ACP6: variants seen among roughly 807,000 people sequenced by gnomAD.
ACP6 encodes acid phosphatase 6, lysophosphatidic.
In ACP6, 48 loss-of-function variants were observed where a neutral mutation model predicts 48.1. That is an observed-to-expected ratio of 1.00 (90% CI 0.79 to 1.27). The LOEUF is 1.27. Ranked by LOEUF, ACP6 falls within the 50% of genes most tolerant of loss-of-function variation. ACP6 has a pLI of 0.00. For synonymous variants in ACP6, 172 were observed against 204.2 expected (o/e 0.84, Z 1.34); for missense variants, 485 against 529.1 (o/e 0.92, Z 0.82).
At chr1:147,658,854 G>A in intron 4 of ACP6, 106 bp downstream of exon 4, 1 of 1,080,404 alleles carries the variant, frequency 9.3e-7, no homozygotes, top group Non-Finnish European at 1.3e-6. Context: ...ACACATGCAG[G>A]AGAAAAAAAG....
chr1:147,654,879 T>G (rs1261686425), intron 5 of ACP6, among the ~76,000 whole-genome samples: 1 of 152,190 alleles, frequency 6.6e-6, no homozygotes, highest in Non-Finnish European at 1.5e-5. Flanking sequence ...GATCATACTT[T>G]GTAAATGGCA....
At chr1:147,650,378 C>T (rs1186305185) in intron 7 of ACP6, 140 bp from the exon 8 acceptor site, 3 of 568,042 alleles carry the variant, frequency 5.3e-6, no homozygotes, top group Non-Finnish European at 8.9e-6. Context: ...AGCAACGGGC[C>T]AGAAGGAGAG....
chr1:147,635,323 C>T (rs10157759), intron 5 of ACP6, among the ~76,000 whole-genome samples: 17,138 of 152,226 alleles, frequency 0.11, 1,173 homozygotes, highest in East Asian at 0.34. Flanking sequence ...TCCCTCCCAG[C>T]AATCTTGGGC....
intron 5 of ACP6, among the ~76,000 whole-genome samples, chr1:147,634,223 T>C (rs1397267728): frequency 6.6e-6 from 1 of 152,222 alleles, no homozygotes; most frequent in East Asian, 1.9e-4. Flanking sequence ...TCTTTTCATG[T>C]GCTTACTGGC....
chr1:147,666,091 C>T (rs1660783596), intron 1 of ACP6, among the ~76,000 whole-genome samples: 3 of 152,188 alleles, frequency 2.0e-5, no homozygotes. Flanking sequence ...AATATGTACA[C>T]CATGAAGATC....
At chr1:147,642,057 A>T (rs587686120), downstream of ACP6, among the ~76,000 whole-genome samples, 1 of 152,294 alleles carries the variant, frequency 6.6e-6, no homozygotes, top group South Asian at 2.1e-4. Context: ...GCCCATTTTT[A>T]CATGAGAGGA....
intron 7 of ACP6, 104 bp from the exon 8 acceptor site, chr1:147,650,342 A>AAAAAGGC: frequency 1.3e-6 from 1 of 778,770 alleles, no homozygotes. Context: ...CAGAGCTGAG[A>AAAAAGGC]AAAAGGCAAG....
intron 5 of ACP6, among the ~76,000 whole-genome samples, chr1:147,633,874 CA>C (rs1553207699): frequency 1.3e-5 from 2 of 152,020 alleles, no homozygotes; most frequent in African/African-American, 4.8e-5. Flanking sequence ...AAAAATACAG[CA>C]AAAAATTGAC....
chr1:147,669,217 T>C (rs1553214128), intron 1 of ACP6, among the ~76,000 whole-genome samples: 1 of 152,040 alleles, frequency 6.6e-6, no homozygotes, highest in Admixed American at 6.6e-5. Context: ...CCTCCCACTA[T>C]AGGTTTAGTA....
intron 9 of ACP6, 164 bp from the exon 10 acceptor site, chr1:147,647,730 ACTATGCTCTG>A (rs781840255): frequency 3.5e-5 from 31 of 884,486 alleles, no homozygotes; most frequent in Non-Finnish European, 4.8e-5. Context: ...GAATAAAAGC[ACTATGCTCTG>A]CTTGTAAAAG....
At chr1:147,631,903 A>G (rs1220633140) in intron 5 of ACP6, among the ~76,000 whole-genome samples, 2 of 152,150 alleles carry the variant, frequency 1.3e-5, no homozygotes, top group Non-Finnish European at 2.9e-5. Context: ...TGTAATTAGT[A>G]TGAAACCCAA....
At chr1:147,657,782 A>G (rs1553211968) in intron 4 of ACP6, among the ~76,000 whole-genome samples, 1 of 152,190 alleles carries the variant, frequency 6.6e-6, no homozygotes, top group Non-Finnish European at 1.5e-5. Context: ...CTACAAAAGA[A>G]GCCAATCTGG....
At chr1:147,669,092 A>AT (rs34257966) in intron 1 of ACP6, among the ~76,000 whole-genome samples, 102,140 of 151,256 alleles carry the variant, frequency 0.68, 34,683 homozygotes, top group South Asian at 0.78. Flanking sequence ...AAAGATAATC[A>AT]TTTTTTTTTA....
In ACP6 at chr1:147,632,802, G is replaced by C. The variant is rs61838404; in HGVS notation, c.461-1737C>G. Among the ~76,000 whole-genome samples, 456 of 152,260 alleles carry C rather than the reference G, an allele frequency of 3.0e-3. 2 individuals carry two copies. The highest frequency in any genetic ancestry group is 5.1e-3 in the Non-Finnish European group (350 of 68,022). Reference sequence around the variant, plus strand: ...GAAGCAAGGACAGGCTGGAAGAGCTGACTGGAAGCACGCACCTATTCTGGG... The same window carrying C: ...GAAGCAAGGACAGGCTGGAAGAGCTCACTGGAAGCACGCACCTATTCTGGG... On this transcript the variant is annotated intron_variant, in intron 5 of 5. Coordinates refer to the ACP6 transcript ENST00000609196.
intron 1 of ACP6, 39 bp from the exon 2 acceptor site, chr1:147,659,814 T>C: frequency 6.2e-7 from 1 of 1,606,632 alleles, no homozygotes; most frequent in Non-Finnish European, 8.5e-7. Flanking sequence ...TGTTTAAAAA[T>C]GGTTCTTGAA....
rs782629079 is a variant in ACP6 at position 147,648,270 on chromosome 1, A to G, written c.1119T>C (p.Phe373=). The change falls in exon 9 of 10, where the codon TTT becomes TTC. Residue 373 remains phenylalanine, a synonymous_variant. Transcript: ENST00000583509. ...CCTTCCCGTGGTAATAGAGCTGCACAAACCACTCCTTAGATTCCAGGTGCT... is the reference window on the plus strand; with the variant it reads ...CCTTCCCGTGGTAATAGAGCTGCACGAACCACTCCTTAGATTCCAGGTGCT... The part of the protein sequence containing the change: ...LYQHLESKEW[F]VQLYYHGKEQ... The G allele has an allele frequency of 3.2e-5, 52 of 1,614,066 alleles. No homozygotes were observed. The East Asian group carries it at 7.6e-4, about 24-fold the overall frequency.
chr1:147,632,124 G>T (rs1659181505), intron 5 of ACP6, among the ~76,000 whole-genome samples: 1 of 151,112 alleles, frequency 6.6e-6, no homozygotes, highest in East Asian at 2.0e-4. Context: ...TGCCCCTCAG[G>T]TCTCAGCTTA....
intron 8 of ACP6, 71 bp downstream of exon 8, chr1:147,650,072 G>A: frequency 1.5e-6 from 2 of 1,343,738 alleles, no homozygotes; most frequent in South Asian, 2.5e-5. Context: ...ACTAAGATTT[G>A]GGTTCCCTCC....
At chr1:147,656,532 C>T (rs966222060) in intron 4 of ACP6, among the ~76,000 whole-genome samples, 8 of 152,130 alleles carry the variant, frequency 5.3e-5, no homozygotes, top group Non-Finnish European at 1.2e-4. Context: ...ATATACATGT[C>T]CTCAAATAAA....
Sources: allele counts gnomAD v4.1 joint callset (sites outside exome capture counted in the v4.1 genomes callset), GRCh38; gene constraint gnomAD v4.1.1; transcripts MANE v1.5; gene names NCBI Gene and HGNC (gene_info 2026-07-23, HGNC 2026-07-21).